Variants in PAFAH1B3 observed in about 807,000 individuals in gnomAD.
The protein encoded by PAFAH1B3 is platelet activating factor acetylhydrolase 1b catalytic subunit 3, also known as platelet-activating factor acetylhydrolase IB subunit alpha1.
PAFAH1B3 carries 15 observed loss-of-function variants against 24.4 expected under a neutral mutation model. That is an observed-to-expected ratio of 0.62 (90% CI 0.41 to 0.95). The LOEUF is 0.95. Among genes scored for constraint, PAFAH1B3 ranks in the 40% least tolerant of loss-of-function variants. PAFAH1B3 has a pLI of 0.00. For synonymous variants in PAFAH1B3, 144 were observed against 126.5 expected, an observed-to-expected ratio of 1.14 and a Z score of -0.93; for missense variants, 266 against 312.2, an observed-to-expected ratio of 0.85 and a Z score of 1.12.
Position 42,300,290 on chromosome 19 carries a change from G to C in PAFAH1B3, c.169-3C>G, listed in dbSNP as rs1182775982. The C allele has an allele frequency of 1.2e-6, 2 of 1,613,544 alleles. No individual in the cohort carries two copies. Among genetic ancestry groups the C allele is most frequent in the Non-Finnish European group, 1.7e-6 (2 of 1,179,494 alleles). On this transcript the variant is annotated splice_region_variant and splice_polypyrimidine_tract_variant and intron_variant, in intron 2 of 4. Coordinates refer to ENST00000262890, the MANE Select transcript of PAFAH1B3 (RefSeq NM_002573.4). ...GGAGAGAAGAGCTCGCGCCAGATCT[G>C]TGGGCAAGAAGTGGTGTGGGCAAGA...
At position 42,297,379 on chromosome 19, in the gene PAFAH1B3, C is replaced by T. The variant is rs192553749; in HGVS notation, c.409-14G>A. 57 of 1,597,560 alleles carry T rather than the reference C, an allele frequency of 3.6e-5. No individual in the cohort carries two copies. The East Asian group carries it at 1.0e-3, about 29-fold the overall frequency. ...CGGAAGCAGGCCCTGAGCAGGAACA[C>T]GAGGCGTAGTAAGGAAACAAGCATT... On this transcript the variant is annotated splice_polypyrimidine_tract_variant and intron_variant, in intron 4 of 4. Transcript: ENST00000262890.
At position 42,297,036 on chromosome 19, in the gene PAFAH1B3, T is replaced by G. The variant is rs779742816; in HGVS notation, c.*42A>C. ...GACCATAAAGCAGGAAACAGCACACTGAGGAAGGAGAGTTTAATGTTGTGG... is the reference window on the plus strand; with the variant it reads ...GACCATAAAGCAGGAAACAGCACACGGAGGAAGGAGAGTTTAATGTTGTGG... On this transcript the variant is annotated 3_prime_UTR_variant, in exon 5 of 5. Coordinates refer to ENST00000262890, the MANE Select transcript of PAFAH1B3 (RefSeq NM_002573.4). 7.6e-6 allele frequency: 12 copies of G among 1,571,594 alleles called. No homozygotes were observed. Among genetic ancestry groups the G allele is most frequent in the Non-Finnish European group, 1.0e-5 (12 of 1,151,542 alleles).
Position 42,302,529 on chromosome 19 carries a change from TC to T in PAFAH1B3, c.-221del. On this transcript the variant is annotated 5_prime_UTR_variant, in exon 1 of 5. Coordinates refer to ENST00000262890, the MANE Select transcript of PAFAH1B3 (RefSeq NM_002573.4). ...GTAGGTGGAATCAGGAACCTTCGCT[TC>T]CCCCACGACGGCCGCACAGTGGGCT... The T allele has an allele frequency of 4.0e-6, 2 of 505,112 alleles. No homozygotes were observed. The highest frequency in any genetic ancestry group is 7.0e-6 in the Non-Finnish European group (2 of 284,436). 31.3% of individuals were successfully genotyped at this position (505,112 alleles called of 1,614,324 possible).
Position 42,302,532 on chromosome 19 carries a change from C to A in PAFAH1B3, c.-223G>T, listed in dbSNP as rs1402484495. 25 of 514,458 alleles carry A rather than the reference C, an allele frequency of 4.9e-5. No individual in the cohort carries two copies. The East Asian group carries it at 8.3e-4, about 17-fold the overall frequency. 31.9% of individuals were successfully genotyped at this position (514,458 alleles called of 1,614,324 possible). ...GGTGGAATCAGGAACCTTCGCTTCC[C>A]CCACGACGGCCGCACAGTGGGCTCG... On this transcript the variant is annotated 5_prime_UTR_variant, in exon 1 of 5. Transcript: ENST00000262890.
In PAFAH1B3 at chr19:42,299,989, T is replaced by C. The variant is rs1301481909; in HGVS notation, c.389A>G (p.Gln130Arg). 1 of 1,614,172 alleles carries C rather than the reference T, an allele frequency of 6.2e-7. No homozygotes were observed. The highest frequency in any genetic ancestry group is 8.5e-7 in the Non-Finnish European group (1 of 1,180,036). ...IVQLVNERQPQARVVVLGLLP... is the reference protein window; with the variant it reads ...IVQLVNERQPRARVVVLGLLP... Reference sequence around the variant, plus strand: ...TCTCACCAGCACCACAACCCGGGCCTGGGGCTGTCGCTCATTCACCAGTTG... The same window carrying C: ...TCTCACCAGCACCACAACCCGGGCCCGGGGCTGTCGCTCATTCACCAGTTG... Residue 130 changes from glutamine (Q) to arginine (R), a missense_variant, in exon 4 of 5, where the codon CAG becomes CGG. Physicochemically the swap from Gln to Arg is conservative, Grantham distance 43 (BLOSUM62 1). Coordinates refer to ENST00000262890, the MANE Select transcript of PAFAH1B3 (RefSeq NM_002573.4).
Position 42,302,348 on chromosome 19 carries a change from C to A in PAFAH1B3, c.-39G>T, listed in dbSNP as rs1451999415. On this transcript the variant is annotated 5_prime_UTR_variant, in exon 1 of 5. Transcript: ENST00000262890. ...CTCCTGCAGGATGAGCGAGTCGGGT[C>A]GGCCCGGGAGTGTTCCGAACGGAGC... is the stretch of plus-strand genomic sequence containing the variant. 2 of 1,549,980 alleles carry A rather than the reference C, an allele frequency of 1.3e-6. No homozygotes were observed. The highest frequency in any genetic ancestry group is 1.9e-5 in the Admixed American group (1 of 53,104).
chr19:42,298,604 C>T (rs1233148119), intron 4 of PAFAH1B3, among the ~76,000 whole-genome samples: 12 of 152,188 alleles, frequency 7.9e-5, no homozygotes, highest in Admixed American at 6.5e-5. Flanking sequence ...TAGATTTACC[C>T]CAGGAATGCC....
At chr19:42,301,892 AGATGTGTCAGCATG>A (rs1469118101) in intron 2 of PAFAH1B3, 44 bp downstream of exon 2, 17 of 1,391,406 alleles carry the variant, frequency 1.2e-5, no homozygotes, top group Non-Finnish European at 2.0e-6. Context: ...GTTCTGGTCC[AGATGTGTCAGCATG>A]GACACAGGGC....
rs907090222 is a variant in PAFAH1B3 at position 42,302,620 on chromosome 19, G to A, written c.-311C>T. 36 of 376,232 alleles carry A rather than the reference G, an allele frequency of 9.6e-5. No homozygotes were observed. Among genetic ancestry groups the A allele is most frequent in the Middle Eastern group, 1.5e-3 (2 of 1,336 alleles). The allele number at this position is 376,232 out of a possible 1,614,324, so 23.3% of individuals were successfully genotyped here. On this transcript the variant is annotated 5_prime_UTR_variant, in exon 1 of 5. Transcript: ENST00000262890. ...GCGCACCCGGCACGGGGTGGGGGGAGGGAGAGGCGAGACCATCCAGCTCCC... is the reference window on the plus strand; with the variant it reads ...GCGCACCCGGCACGGGGTGGGGGGAAGGAGAGGCGAGACCATCCAGCTCCC...
rs768909295 is a variant in PAFAH1B3, at chr19:42,302,284, C to T, written c.26G>A (p.Ser9Asn). The change falls in exon 1 of 5, where the codon AGC becomes AAC. Residue 9 changes from serine to asparagine, a missense_variant. Ser to Asn is a conservative substitution (Grantham distance 46). Coordinates refer to ENST00000262890, the MANE Select transcript of PAFAH1B3 (RefSeq NM_002573.4). ...TACGTCCTGCACCGGCGTGGGCTTG[C>T]TGGCTGGGTTCTCCTCTCCACTCAT... MSGEENPASKPTPVQDVQG... is the reference protein window; with the variant it reads MSGEENPANKPTPVQDVQG... 1.9e-6 allele frequency: 3 copies of T among 1,606,634 alleles called. No individual in the cohort carries two copies.
At chr19:42,298,490 A>T (rs1251099919) in intron 4 of PAFAH1B3, among the ~76,000 whole-genome samples, 3 of 152,178 alleles carry the variant, frequency 2.0e-5, no homozygotes, top group Non-Finnish European at 2.9e-5. Context: ...ACTCTGTCCC[A>T]AAATAAATAA....
chr19:42,299,366 C>T (rs1252638847), intron 4 of PAFAH1B3, among the ~76,000 whole-genome samples: 3 of 152,004 alleles, frequency 2.0e-5, no homozygotes, highest in Non-Finnish European at 4.4e-5. Context: ...ATCTGCTTGC[C>T]TCGGCCTCCC....
At chr19:42,298,420 G>A (rs2038570107) in intron 4 of PAFAH1B3, among the ~76,000 whole-genome samples, 1 of 152,210 alleles carries the variant, frequency 6.6e-6, no homozygotes, top group African/African-American at 2.4e-5. Flanking sequence ...GAACCCAGGA[G>A]GAGGAGGTTG....
intron 4 of PAFAH1B3, 150 bp downstream of exon 4, chr19:42,299,820 C>T: frequency 1.0e-6 from 1 of 1,002,158 alleles, no homozygotes; most frequent in Non-Finnish European, 1.5e-6. Flanking sequence ...ACCACAGCCA[C>T]TCTGAAGGGT....
At chr19:42,298,900 G>T (rs551276956) in intron 4 of PAFAH1B3, among the ~76,000 whole-genome samples, 2 of 149,424 alleles carry the variant, frequency 1.3e-5, no homozygotes, top group Admixed American at 1.3e-4. Flanking sequence ...TGCAAGCTCC[G>T]CCCCCCGGGT....
chr19:42,302,401 T>C lies in PAFAH1B3; in HGVS notation c.-92A>G, dbSNP rs2038649452. 5.0e-6 allele frequency: 6 copies of C among 1,198,370 alleles called. No homozygotes were observed. The highest frequency in any genetic ancestry group is 1.4e-5 in the South Asian group (1 of 70,506). The allele number at this position is 1,198,370 out of a possible 1,614,324, so 74.2% of individuals were successfully genotyped here. A position where few individuals can be genotyped will look rare whatever the true frequency, so the allele number is the denominator to read the frequency against. On this transcript the variant is annotated 5_prime_UTR_variant, in exon 1 of 5. Transcript: ENST00000262890. ...GCTCCGCCACGCCCACTCCTACCCCTCGCGGCAACAAAGGACCGTCCCAAC... is the reference window on the plus strand; with the variant it reads ...GCTCCGCCACGCCCACTCCTACCCCCCGCGGCAACAAAGGACCGTCCCAAC...
intron 1 of PAFAH1B3, 47 bp downstream of exon 1, chr19:42,302,184 AC>A (rs776682968): frequency 1.7e-5 from 26 of 1,533,660 alleles, no homozygotes; most frequent in Middle Eastern, 1.7e-4. Flanking sequence ...CTCCTGAGCC[AC>A]CCCCCGCGCC....
chr19:42,302,392 T>C lies in PAFAH1B3; in HGVS notation c.-83A>G. 1 of 1,259,122 alleles carries C rather than the reference T, an allele frequency of 7.9e-7. No individual in the cohort carries two copies. 78.0% of individuals were successfully genotyped at this position (1,259,122 alleles called of 1,614,324 possible). On this transcript the variant is annotated 5_prime_UTR_variant, in exon 1 of 5. Coordinates refer to ENST00000262890, the MANE Select transcript of PAFAH1B3 (RefSeq NM_002573.4). ...ACGGAGCTGGCTCCGCCACGCCCACTCCTACCCCTCGCGGCAACAAAGGAC... is the reference window on the plus strand; with the variant it reads ...ACGGAGCTGGCTCCGCCACGCCCACCCCTACCCCTCGCGGCAACAAAGGAC...
At chr19:42,298,665 C>G (rs1314193909) in intron 4 of PAFAH1B3, among the ~76,000 whole-genome samples, 2 of 152,166 alleles carry the variant, frequency 1.3e-5, no homozygotes, top group African/African-American at 2.4e-5. Flanking sequence ...CTTTTGTTTT[C>G]TGGTGAGACA....
Sources: allele counts gnomAD v4.1 joint callset (sites outside exome capture counted in the v4.1 genomes callset), GRCh38; gene constraint gnomAD v4.1.1; transcripts MANE v1.5; gene names NCBI Gene and HGNC (gene_info 2026-07-23, HGNC 2026-07-21).